PYROXD1: variants seen among roughly 807,000 people sequenced by gnomAD.
PYROXD1 encodes the protein tRNA ligase complex-associated NAD(P)H dehydrogenase PYROXD1.
PYROXD1 carries 42 observed loss-of-function variants against 62.0 expected under a neutral mutation model. The ratio of observed to expected loss-of-function variants is 0.68; its 90% CI spans 0.53 to 0.88. The LOEUF is 0.88. PYROXD1 is among the 40% of genes least tolerant of loss of function. The pLI, the probability that PYROXD1 is intolerant of heterozygous loss-of-function variation, is 0.00. For synonymous variants in PYROXD1, 170 were observed against 206.4 expected (o/e 0.82, Z 1.51); for missense variants, 493 against 604.8 (o/e 0.82, Z 1.94).
rs755955830 is a variant in PYROXD1, at chr12:21,467,631, A to G, written c.1254+13A>G. ...TTTTAACTATAAGGTAAGATAGTTA[A>G]GCATATTAATGCCTTCTCTGCTTGT... On this transcript the variant is annotated intron_variant, in intron 11 of 11. Coordinates refer to ENST00000240651, the MANE Select transcript of PYROXD1 (RefSeq NM_024854.5). 8 of 1,598,458 alleles carry G rather than the reference A, an allele frequency of 5.0e-6. No individual in the cohort carries two copies. Among genetic ancestry groups the G allele is most frequent in the Non-Finnish European group, 6.8e-6 (8 of 1,168,778 alleles).
At chr12:21,451,932 A>G in intron 4 of PYROXD1, 149 bp from the exon 5 acceptor site, 1 of 575,406 alleles carries the variant, frequency 1.7e-6, no homozygotes, top group Non-Finnish European at 3.0e-6. Context: ...GAGAGGATGT[A>G]CCCTGATACA....
intron 10 of PYROXD1, among the ~76,000 whole-genome samples, chr12:21,466,015 G>A (rs978950179): frequency 4.0e-5 from 6 of 151,860 alleles, no homozygotes; most frequent in African/African-American, 1.5e-4. Flanking sequence ...TGTTCTGCTC[G>A]ATTGGTCTAT....
intron 10 of PYROXD1, among the ~76,000 whole-genome samples, chr12:21,463,989 T>C (rs1411605485): frequency 6.6e-6 from 1 of 152,192 alleles, no homozygotes; most frequent in Non-Finnish European, 1.5e-5. Flanking sequence ...GCTAAAAGTA[T>C]TTCAAGAGGC....
At chr12:21,467,234 T>TTAA in intron 10 of PYROXD1, 2 of 349,266 alleles carry the variant, frequency 5.7e-6, no homozygotes, top group Middle Eastern at 1.6e-3. Flanking sequence ...TTCATAATAT[T>TTAA]TAATAGAAAT....
intron 7 of PYROXD1, among the ~76,000 whole-genome samples, chr12:21,458,694 G>A (rs1942642931): frequency 6.6e-6 from 1 of 152,152 alleles, no homozygotes; most frequent in African/African-American, 2.4e-5. Flanking sequence ...GAGGCCCAAG[G>A]AGAGGGAGAG....
chr12:21,446,317 G>C (rs1216552966), intron 3 of PYROXD1, among the ~76,000 whole-genome samples: 1 of 112,410 alleles, frequency 8.9e-6, no homozygotes, highest in East Asian at 2.9e-4. Context: ...CCAGCTACTC[G>C]GGAGACTTGA....
rs533014904 is a variant in PYROXD1, at chr12:21,469,917, T to G, written c.*1163T>G. The G allele has an allele frequency of 4.5e-4, 130 of 291,706 alleles. No individual in the cohort carries two copies. Among genetic ancestry groups the G allele is most frequent in the African/African-American group, 2.8e-3 (126 of 44,446 alleles). The allele number at this position is 291,706 out of a possible 1,614,324, so 18.1% of individuals were successfully genotyped here. On this transcript the variant is annotated 3_prime_UTR_variant, in exon 12 of 12. Coordinates refer to ENST00000240651, the MANE Select transcript of PYROXD1 (RefSeq NM_024854.5). Reference sequence around the variant, plus strand: ...TAAGTATATAAAGGCATAAAAAACTTAAGACGATTGTATGAACTTATTCTC... The same window carrying G: ...TAAGTATATAAAGGCATAAAAAACTGAAGACGATTGTATGAACTTATTCTC...
intron 10 of PYROXD1, among the ~76,000 whole-genome samples, chr12:21,466,143 G>T (rs867913116): frequency 6.7e-6 from 1 of 149,930 alleles, no homozygotes; most frequent in African/African-American, 2.5e-5. Context: ...TTGACTTGGC[G>T]ATGCGGGCTC....
chr12:21,460,070 T>C (rs75975580), intron 7 of PYROXD1, among the ~76,000 whole-genome samples: 8,499 of 152,286 alleles, frequency 0.056, 318 homozygotes, highest in African/African-American at 0.1. Flanking sequence ...GAAATCTAAA[T>C]GCTGTAAGAA....
At chr12:21,463,595 G>A (rs1161299068) in intron 10 of PYROXD1, among the ~76,000 whole-genome samples, 1 of 151,198 alleles carries the variant, frequency 6.6e-6, no homozygotes, top group East Asian at 1.9e-4. Flanking sequence ...AGGAGGCTGA[G>A]GCACAAGAAT....
rs199611472 is a variant in PYROXD1, at chr12:21,440,396, T to A, written c.113T>A (p.Ile38Asn). The change falls in exon 2 of 12, where the codon ATT (isoleucine) becomes AAT (asparagine). Residue 38 changes from isoleucine (I) to asparagine (N), a missense_variant. Ile to Asn is a moderately radical substitution (Grantham distance 149). Transcript: ENST00000240651. ...GCTACTCACTTTCCATCGGAAGATA[T>A]TCTCTTGGTAACAGCTTCTCCTGTT... ...QLATHFPSED[I>N]LLVTASPVIK... The A allele has an allele frequency of 1.3e-5, 20 of 1,599,658 alleles. No homozygotes were observed. Among genetic ancestry groups the A allele is most frequent in the Non-Finnish European group, 1.6e-5 (19 of 1,173,430 alleles).
chr12:21,465,248 A>G lies in PYROXD1; in HGVS notation c.1117-2233A>G, dbSNP rs556953407. ...TAGATCCCTGAGGAATCGCCACACCAACTTCCACAATGGTTGAACTAGTTT... is the reference window on the plus strand; with the variant it reads ...TAGATCCCTGAGGAATCGCCACACCGACTTCCACAATGGTTGAACTAGTTT... On this transcript the variant is annotated intron_variant, in intron 10 of 11. Coordinates refer to ENST00000240651, the MANE Select transcript of PYROXD1 (RefSeq NM_024854.5). Among the ~76,000 whole-genome samples the G allele has an allele frequency of 1.4e-4, 21 of 152,134 alleles. 1 individual carries two copies. In the East Asian group the frequency reaches 1.9e-3, roughly 14 times the overall value.
chr12:21,460,985 T>C, intron 7 of PYROXD1, 40 bp from the exon 8 acceptor site: 1 of 1,265,646 alleles, frequency 7.9e-7, no homozygotes, highest in East Asian at 2.6e-5. Flanking sequence ...GGTTATTCTT[T>C]CTGTAAGTAT....
At chr12:21,465,847 GGT>G (rs1373165675) in intron 10 of PYROXD1, among the ~76,000 whole-genome samples, 1 of 152,068 alleles carries the variant, frequency 6.6e-6, no homozygotes, top group African/African-American at 2.4e-5. Context: ...TTTTGTATAA[GGT>G]GTAAGGAAGG....
At chr12:21,457,101 C>T (rs1942611312) in intron 7 of PYROXD1, 1 of 267,016 alleles carries the variant, frequency 3.7e-6, no homozygotes, top group Non-Finnish European at 7.4e-6. Flanking sequence ...GAGTAAACTT[C>T]TTTCAAGCTT....
chr12:21,457,929 A>G (rs1942629402), intron 7 of PYROXD1, among the ~76,000 whole-genome samples: 1 of 152,140 alleles, frequency 6.6e-6, no homozygotes, highest in Non-Finnish European at 1.5e-5. Flanking sequence ...TTGTTGTTCC[A>G]TTTACAGAGG....
At chr12:21,467,680 A>G in intron 11 of PYROXD1, 62 bp downstream of exon 11, 2 of 1,263,090 alleles carry the variant, frequency 1.6e-6, no homozygotes, top group Admixed American at 2.4e-5. Context: ...ATGATAAATC[A>G]TGTGATTTTC....
At chr12:21,453,839 A>G (rs1167204509) in intron 5 of PYROXD1, among the ~76,000 whole-genome samples, 2 of 152,090 alleles carry the variant, frequency 1.3e-5, no homozygotes, top group African/African-American at 2.4e-5. Flanking sequence ...AAATTTAAAA[A>G]TGGTAATATA....
intron 5 of PYROXD1, 81 bp from the exon 6 acceptor site, chr12:21,455,051 A>T: frequency 1.4e-6 from 1 of 740,688 alleles, no homozygotes; most frequent in Non-Finnish European, 2.0e-6. Flanking sequence ...CTTTTGCTTC[A>T]GGAGATCATT....
Sources: gnomAD v4.1 joint callset for allele counts (sites outside exome capture counted in the v4.1 genomes callset) on GRCh38, gnomAD v4.1.1 for gene constraint, MANE v1.5 for transcripts, NCBI Gene and HGNC (gene_info 2026-07-23, HGNC 2026-07-21) for gene names.